DYM: variants seen among roughly 807,000 people sequenced by gnomAD.
DYM encodes the protein dymeclin.
In DYM, 78 loss-of-function variants were observed where a neutral mutation model predicts 93.1. That is an observed-to-expected ratio of 0.84 (90% CI 0.70 to 1.01). DYM has a LOEUF of 1.01. DYM is among the 50% of genes least tolerant of loss of function. DYM has a pLI of 0.00. For missense variants in DYM, 789 were observed against 845.0 expected (o/e 0.93, Z 0.82); for synonymous variants, 321 against 319.7 (o/e 1.00, Z -0.04).
intron 14 of DYM, among the ~76,000 whole-genome samples, chr18:49,185,805 T>C (rs2090380376): frequency 6.6e-6 from 1 of 152,212 alleles, no homozygotes; most frequent in African/African-American, 2.4e-5. Context: ...GATTACCAGC[T>C]GGTCAGTGGC....
intron 17 of DYM, among the ~76,000 whole-genome samples, chr18:49,063,166 GA>G (rs1174841911): frequency 6.6e-6 from 1 of 152,132 alleles, no homozygotes; most frequent in African/African-American, 2.4e-5. Flanking sequence ...AACTGCTACA[GA>G]ACCCTCCACT....
intron 16 of DYM, among the ~76,000 whole-genome samples, chr18:49,105,425 T>C (rs1261172483): frequency 1.3e-5 from 2 of 152,228 alleles, no homozygotes; most frequent in African/African-American, 4.8e-5. Flanking sequence ...TGCTCTGCTC[T>C]TAGTTATTTC....
At chr18:49,183,018 G>C (rs2090075673) in intron 14 of DYM, among the ~76,000 whole-genome samples, 1 of 152,174 alleles carries the variant, frequency 6.6e-6, no homozygotes, top group African/African-American at 2.4e-5. Context: ...AGAAACTTAA[G>C]GAACACTGGA....
intron 16 of DYM, 156 bp downstream of exon 16, chr18:49,118,588 C>G (rs1171856339): frequency 2.8e-6 from 2 of 714,072 alleles, no homozygotes; most frequent in Non-Finnish European, 4.8e-6. Context: ...AACACACACA[C>G]AGATTACCAC....
chr18:49,102,003 T>C (rs1016503803), intron 16 of DYM, among the ~76,000 whole-genome samples: 1 of 152,216 alleles, frequency 6.6e-6, no homozygotes, highest in African/African-American at 2.4e-5. Flanking sequence ...AGATGTAGCA[T>C]GATGCAGTGG....
intron 16 of DYM, chr18:49,116,521 C>G (rs2081938823): frequency 6.6e-6 from 1 of 152,196 alleles, no homozygotes; most frequent in Non-Finnish European, 1.5e-5. Flanking sequence ...TGCCTTCATA[C>G]AGAGAACGAT....
At chr18:49,068,238 G>A (rs932921348) in intron 17 of DYM, among the ~76,000 whole-genome samples, 1 of 152,176 alleles carries the variant, frequency 6.6e-6, no homozygotes, top group Non-Finnish European at 1.5e-5. Context: ...CAGGATAGGA[G>A]CCTGGATCTG....
rs1159190873 is a variant in DYM at position 49,036,448 on chromosome 18, T to G, written c.*7607A>C. 1.3e-5 allele frequency among the ~76,000 whole-genome samples: 2 copies of G among 152,004 alleles called. No homozygotes were observed. The highest frequency in any genetic ancestry group is 1.3e-4 in the Admixed American group (2 of 15,252). On this transcript the variant is annotated 3_prime_UTR_variant, in exon 18 of 18. Transcript: ENST00000675505. ...AATATATAAAACTGCACATATGTAA[T>G]AAAGTGTACAATTTGATTAGACATA...
intron 8 of DYM, among the ~76,000 whole-genome samples, chr18:49,311,324 G>A (rs944162743): frequency 1.3e-5 from 2 of 152,204 alleles, no homozygotes; most frequent in Non-Finnish European, 2.9e-5. Context: ...GTATAAATAA[G>A]AGAGCCAACA....
At chr18:49,148,197 G>A (rs973280447) in intron 15 of DYM, among the ~76,000 whole-genome samples, 1 of 152,136 alleles carries the variant, frequency 6.6e-6, no homozygotes, top group Non-Finnish European at 1.5e-5. Context: ...CTGTTGTTGG[G>A]TGGGAGGAGA....
chr18:49,368,955 C>G (rs1374245776), intron 5 of DYM, among the ~76,000 whole-genome samples: 1 of 152,234 alleles, frequency 6.6e-6, no homozygotes, highest in African/African-American at 2.4e-5. Flanking sequence ...ACTGCCTTCA[C>G]TGTTTGGAAT....
At chr18:49,064,446 T>C (rs1268137509) in intron 17 of DYM, among the ~76,000 whole-genome samples, 1 of 152,230 alleles carries the variant, frequency 6.6e-6, no homozygotes. Flanking sequence ...AACATAATTC[T>C]GAAAATAGAT....
chr18:49,094,995 C>T (rs1219027566), intron 17 of DYM, among the ~76,000 whole-genome samples: 2 of 152,090 alleles, frequency 1.3e-5, no homozygotes, highest in East Asian at 3.8e-4. Flanking sequence ...ATATATTATT[C>T]CACATTTTCA....
intron 2 of DYM, among the ~76,000 whole-genome samples, chr18:49,415,321 C>CAAA (rs71165393): frequency 9.8e-4 from 84 of 86,080 alleles, no homozygotes; most frequent in African/African-American, 2.3e-3. Flanking sequence ...CTGGGTCTCT[C>CAAA]AAAAAAAAAA....
At chr18:49,356,473 A>C (rs551407511) in intron 6 of DYM, among the ~76,000 whole-genome samples, 15 of 152,228 alleles carry the variant, frequency 9.9e-5, no homozygotes, top group Admixed American at 4.6e-4. Flanking sequence ...GCCTTGCAAC[A>C]CCTAAAACTT....
chr18:49,420,312 C>A (rs369683916), intron 2 of DYM, among the ~76,000 whole-genome samples: 1 of 151,854 alleles, frequency 6.6e-6, no homozygotes, highest in Admixed American at 6.6e-5. Flanking sequence ...GGATTACAGG[C>A]GCCCGCCACC....
intron 4 of DYM, 127 bp downstream of exon 4, chr18:49,379,538 T>A: frequency 1.2e-6 from 1 of 837,472 alleles, no homozygotes; most frequent in Non-Finnish European, 1.9e-6. Flanking sequence ...TACCTTTTTT[T>A]CTTAATAATG....
chr18:49,329,645 C>G (rs1167452761), intron 8 of DYM: 1 of 152,238 alleles, frequency 6.6e-6, no homozygotes, highest in Non-Finnish European at 1.5e-5. Context: ...GGATTCTCCT[C>G]CTGCCCTGTC....
At chr18:49,434,477 A>G (rs1049930461) in intron 1 of DYM, among the ~76,000 whole-genome samples, 5 of 152,158 alleles carry the variant, frequency 3.3e-5, no homozygotes, top group South Asian at 4.1e-4. Flanking sequence ...CCAAGACTGC[A>G]CCATTGCATT....
Sources: gnomAD v4.1 joint callset for allele counts (sites outside exome capture counted in the v4.1 genomes callset) on GRCh38, gnomAD v4.1.1 for gene constraint, MANE v1.5 for transcripts, NCBI Gene and HGNC (gene_info 2026-07-23, HGNC 2026-07-21) for gene names.